PLXNA4: variants seen among roughly 807,000 people sequenced by gnomAD.
PLXNA4 encodes the protein plexin-A4.
PLXNA4 carries 44 observed loss-of-function variants against 191.8 expected under a neutral mutation model. The observed-to-expected ratio is 0.23, with a 90% CI of 0.18 to 0.29. PLXNA4 has a LOEUF of 0.29. PLXNA4 is among the 10% of genes least tolerant of loss of function. The pLI is 1.00. For missense variants in PLXNA4, 1,800 were observed against 2,488.8 expected (o/e 0.72, Z 5.89); for synonymous variants, 1,082 against 1,009.5 (o/e 1.07, Z -1.36).
At chr7:132,534,347 C>A (rs945473515) in intron 1 of PLXNA4, among the ~76,000 whole-genome samples, 2 of 152,192 alleles carry the variant, frequency 1.3e-5, no homozygotes, top group Non-Finnish European at 2.9e-5. Context: ...CCATTAGACC[C>A]CCTCCCCTCT....
intron 1 of PLXNA4, among the ~76,000 whole-genome samples, chr7:132,553,106 G>A (rs973438201): frequency 2.6e-5 from 4 of 152,194 alleles, no homozygotes; most frequent in Non-Finnish European, 5.9e-5. Flanking sequence ...AAAACCTGCT[G>A]CTCTGAATGC....
At chr7:132,241,000 G>A in intron 5 of PLXNA4, 66 bp downstream of exon 5, 1 of 1,156,926 alleles carries the variant, frequency 8.6e-7, no homozygotes, top group Non-Finnish European at 1.2e-6. Flanking sequence ...TGATGACAGA[G>A]AAGCAGAGGA....
chr7:132,517,177 T>G (rs571967065), intron 1 of PLXNA4, among the ~76,000 whole-genome samples: 5 of 152,304 alleles, frequency 3.3e-5, no homozygotes, highest in Middle Eastern at 3.4e-3. Flanking sequence ...TAACATGCGC[T>G]TCCCTATGCG....
chr7:132,342,031 T>G (rs1803049226), intron 3 of PLXNA4, among the ~76,000 whole-genome samples: 1 of 151,720 alleles, frequency 6.6e-6, no homozygotes. Flanking sequence ...GTCTAAGCAC[T>G]GGCATCAAGG....
intron 1 of PLXNA4, among the ~76,000 whole-genome samples, chr7:132,520,055 G>T (rs560628709): frequency 6.6e-6 from 1 of 152,326 alleles, no homozygotes; most frequent in East Asian, 1.9e-4. Context: ...GCAGAGCCAC[G>T]TGATGTGATG....
intron 3 of PLXNA4, among the ~76,000 whole-genome samples, chr7:132,439,446 C>T (rs1235257172): frequency 6.6e-6 from 1 of 152,086 alleles, no homozygotes; most frequent in Non-Finnish European, 1.5e-5. Context: ...TACAAATACA[C>T]AATATATCCA....
chr7:132,227,433 T>A lies in PLXNA4; in HGVS notation c.1882+18A>T, dbSNP rs1243227553. ...AGGAGGAAGAAGTGCCACTCAGCTG[T>A]GCCTCCGGGATGCTCACCATTCTCT... On this transcript the variant is annotated intron_variant, in intron 7 of 31. Transcript: ENST00000321063. The A allele has an allele frequency of 6.2e-7, 1 of 1,614,060 alleles. No individual in the cohort carries two copies. Among genetic ancestry groups the A allele is most frequent in the Non-Finnish European group, 8.5e-7 (1 of 1,179,980 alleles).
At chr7:132,349,189 TC>T (rs1803379098) in intron 3 of PLXNA4, among the ~76,000 whole-genome samples, 2 of 152,168 alleles carry the variant, frequency 1.3e-5, no homozygotes. Flanking sequence ...AGCTCTTTTT[TC>T]CCCTCCCTTT....
At chr7:132,493,004 C>T (rs900544349) in intron 2 of PLXNA4, among the ~76,000 whole-genome samples, 4 of 152,058 alleles carry the variant, frequency 2.6e-5, no homozygotes, top group Non-Finnish European at 5.9e-5. Flanking sequence ...AATTACAGTA[C>T]CTGAAGCAGG....
chr7:132,421,262 GTGTCAGAA>G (rs2117143784), intron 3 of PLXNA4, among the ~76,000 whole-genome samples: 1 of 152,308 alleles, frequency 6.6e-6, no homozygotes, highest in South Asian at 2.1e-4. Flanking sequence ...ATTGTAGCAT[GTGTCAGAA>G]TGTCCTTCTT....
At chr7:132,491,507 G>C (rs117305374) in intron 2 of PLXNA4, among the ~76,000 whole-genome samples, 1 of 152,184 alleles carries the variant, frequency 6.6e-6, no homozygotes, top group Non-Finnish European at 1.5e-5. Context: ...CGGGGAGAGC[G>C]TGGGCAAGCC....
intron 29 of PLXNA4, among the ~76,000 whole-genome samples, chr7:132,142,993 T>C (rs1267976013): frequency 6.6e-6 from 1 of 152,158 alleles, no homozygotes; most frequent in Admixed American, 6.5e-5. Context: ...TAATGAAATA[T>C]TAGCATATTA....
At chr7:132,460,867 C>A (rs1380609992) in intron 3 of PLXNA4, among the ~76,000 whole-genome samples, 3 of 151,968 alleles carry the variant, frequency 2.0e-5, no homozygotes, top group Non-Finnish European at 2.9e-5. Context: ...CTCATGGTAC[C>A]TCTGCACACA....
At chr7:132,477,170 C>CA (rs1264270651) in intron 3 of PLXNA4, among the ~76,000 whole-genome samples, 22 of 152,268 alleles carry the variant, frequency 1.4e-4, no homozygotes, top group African/African-American at 4.8e-4. Flanking sequence ...TTGATGTTCA[C>CA]AAAAATAAAC....
chr7:132,389,344 T>C (rs1244728522), intron 3 of PLXNA4, among the ~76,000 whole-genome samples: 1 of 152,238 alleles, frequency 6.6e-6, no homozygotes, highest in African/African-American at 2.4e-5. Flanking sequence ...TCTTTGCCCA[T>C]GCCAATGTCC....
At chr7:132,644,262 C>T (rs563019798) in intron 2 of PLXNA4, among the ~76,000 whole-genome samples, 1 of 152,290 alleles carries the variant, frequency 6.6e-6, no homozygotes, top group South Asian at 2.1e-4. Context: ...CCTCATGGGA[C>T]GGTTGCAAGG....
intron 3 of PLXNA4, among the ~76,000 whole-genome samples, chr7:132,343,690 G>A (rs926940507): frequency 2.6e-5 from 4 of 152,148 alleles, no homozygotes; most frequent in South Asian, 2.1e-4. Flanking sequence ...AGGCCAAGGC[G>A]GGCAGATCAC....
chr7:132,227,773 C>T (rs563654438), intron 6 of PLXNA4, among the ~76,000 whole-genome samples, 169 bp from the exon 7 acceptor site: 2 of 152,280 alleles, frequency 1.3e-5, no homozygotes, highest in South Asian at 4.1e-4. Context: ...GAGAGTGGCA[C>T]AGAGGCCGTG....
intron 4 of PLXNA4, among the ~76,000 whole-genome samples, chr7:132,283,995 G>T (rs1800586227): frequency 6.6e-6 from 1 of 152,158 alleles, no homozygotes; most frequent in South Asian, 2.1e-4. Flanking sequence ...AACACAGCAA[G>T]ACCTCATCTC....
Sources: allele counts gnomAD v4.1 joint callset (sites outside exome capture counted in the v4.1 genomes callset), GRCh38; gene constraint gnomAD v4.1.1; transcripts MANE v1.5; gene names NCBI Gene and HGNC (gene_info 2026-07-23, HGNC 2026-07-21).